The following STK39 variants were observed in gnomAD, a reference collection of about 807,000 sequenced individuals.
STK39 encodes STE20/SPS1-related proline-alanine-rich protein kinase.
In STK39, 20 loss-of-function variants were observed where a neutral mutation model predicts 77.8. The ratio of observed to expected loss-of-function variants is 0.26; its 90% CI spans 0.18 to 0.37. The LOEUF (loss-of-function observed/expected upper bound fraction) is 0.37. Among genes scored for constraint, STK39 ranks in the 10% least tolerant of loss-of-function variants. The pLI, the probability that STK39 is intolerant of heterozygous loss-of-function variation, is 1.00. For synonymous variants in STK39, 246 were observed against 234.1 expected (o/e 1.05, Z -0.47); for missense variants, 479 against 656.5 (o/e 0.73, Z 2.95).
intron 15 of STK39, among the ~76,000 whole-genome samples, chr2:168,013,316 T>C (rs1461158581): frequency 6.6e-6 from 1 of 152,202 alleles, no homozygotes; most frequent in Non-Finnish European, 1.5e-5. Flanking sequence ...GTGACAGGAG[T>C]TCGCAATCTC....
chr2:168,047,353 AG>A (rs1191708158), intron 14 of STK39, among the ~76,000 whole-genome samples: 1 of 152,230 alleles, frequency 6.6e-6, no homozygotes, highest in Non-Finnish European at 1.5e-5. Context: ...AGTGCTTTAG[AG>A]GCCTAATAAT....
chr2:168,134,006 G>A (rs1687768807), intron 8 of STK39, among the ~76,000 whole-genome samples: 1 of 152,060 alleles, frequency 6.6e-6, no homozygotes, highest in Non-Finnish European at 1.5e-5. Flanking sequence ...GCCAATGCCT[G>A]GCTAATGTGG....
intron 14 of STK39, among the ~76,000 whole-genome samples, chr2:168,026,520 A>G (rs992113117): frequency 6.6e-6 from 1 of 152,182 alleles, no homozygotes; most frequent in East Asian, 1.9e-4. Context: ...ATCACCTACT[A>G]TGTGTCAGGT....
intron 8 of STK39, among the ~76,000 whole-genome samples, chr2:168,133,031 C>T (rs1429274058): frequency 6.6e-6 from 1 of 152,078 alleles, no homozygotes; most frequent in Non-Finnish European, 1.5e-5. Flanking sequence ...GAGACTCGTG[C>T]TAGCAAAAAA....
chr2:168,188,765 G>A, intron 1 of STK39, among the ~76,000 whole-genome samples: 1 of 152,214 alleles, frequency 6.6e-6, no homozygotes, highest in East Asian at 1.9e-4. Flanking sequence ...TGCATTCTAT[G>A]TGGCAGGAAC....
At position 168,209,643 on chromosome 2, in the gene STK39, G is replaced by A. The variant is rs188570230; in HGVS notation, c.209-27553C>T. ...TGGAGTGAGCCGAGATCGCACCACT[G>A]CACTCCAGCCTGGGGCGACAAGAGC... On this transcript the variant is annotated intron_variant, in intron 1 of 17. Transcript: ENST00000355999. Among the ~76,000 whole-genome samples, 162 of 151,936 alleles carry A rather than the reference G, an allele frequency of 1.1e-3. 1 individual carries two copies. Among genetic ancestry groups the A allele is most frequent in the African/African-American group, 3.5e-3 (145 of 41,440 alleles).
intron 10 of STK39, among the ~76,000 whole-genome samples, chr2:168,120,772 C>T (rs1035093292): frequency 6.6e-6 from 1 of 152,176 alleles, no homozygotes; most frequent in African/African-American, 2.4e-5. Context: ...GCTATTATTA[C>T]CATTACCACT....
chr2:168,218,514 C>T (rs945525685), intron 1 of STK39, among the ~76,000 whole-genome samples: 10 of 152,210 alleles, frequency 6.6e-5, no homozygotes, highest in Non-Finnish European at 1.2e-4. Flanking sequence ...CCTAGCCAAA[C>T]GCTCAACCAA....
intron 8 of STK39, among the ~76,000 whole-genome samples, chr2:168,135,872 A>C (rs1268051824): frequency 3.9e-5 from 6 of 152,214 alleles, no homozygotes; most frequent in Non-Finnish European, 7.3e-5. Flanking sequence ...AAAATATCTA[A>C]AAGAAGACCT....
intron 13 of STK39, among the ~76,000 whole-genome samples, 163 bp downstream of exon 13, chr2:168,065,156 G>A (rs1685761227): frequency 6.6e-6 from 1 of 152,104 alleles, no homozygotes; most frequent in South Asian, 2.1e-4. Flanking sequence ...AAAGGTTGGA[G>A]GTCCCACAAA....
intron 5 of STK39, among the ~76,000 whole-genome samples, chr2:168,155,577 C>A (rs547980043): frequency 1.3e-5 from 2 of 151,200 alleles, no homozygotes; most frequent in African/African-American, 2.4e-5. Flanking sequence ...CCCACCCCAA[C>A]AGATTTTAAT....
chr2:167,992,515 CA>C (rs1683727812), intron 16 of STK39, among the ~76,000 whole-genome samples: 1 of 152,120 alleles, frequency 6.6e-6, no homozygotes, highest in African/African-American at 2.4e-5. Context: ...TGAAGCTCAA[CA>C]AATGTCAATT....
intron 1 of STK39, among the ~76,000 whole-genome samples, chr2:168,205,717 G>A (rs1380798641): frequency 1.3e-5 from 2 of 152,104 alleles, no homozygotes; most frequent in Non-Finnish European, 2.9e-5. Flanking sequence ...TACTCGGGAG[G>A]CTAAGGTGGG....
chr2:168,019,772 T>C (rs1228824759), intron 14 of STK39, among the ~76,000 whole-genome samples: 4 of 152,164 alleles, frequency 2.6e-5, no homozygotes, highest in Non-Finnish European at 2.9e-5. Flanking sequence ...GGCAAGATCT[T>C]GGCTCACTGC....
chr2:168,218,182 A>C (rs762455834), intron 1 of STK39, among the ~76,000 whole-genome samples: 1 of 152,228 alleles, frequency 6.6e-6, no homozygotes, highest in Non-Finnish European at 1.5e-5. Flanking sequence ...GAGAGTTCCC[A>C]GATAACCCCA....
At chr2:168,103,726 G>A (rs1007121951) in intron 10 of STK39, among the ~76,000 whole-genome samples, 6 of 152,110 alleles carry the variant, frequency 3.9e-5, no homozygotes, top group Admixed American at 3.3e-4. Context: ...TGGTACCGGA[G>A]GCTATGAATA....
chr2:168,148,718 G>A (rs1688205291), intron 5 of STK39, among the ~76,000 whole-genome samples: 1 of 152,200 alleles, frequency 6.6e-6, no homozygotes, highest in African/African-American at 2.4e-5. Context: ...AGCAACGTGT[G>A]TGATGTAACA....
chr2:168,181,081 C>T (rs10930309), intron 2 of STK39, among the ~76,000 whole-genome samples: 33,709 of 152,136 alleles, frequency 0.22, 4,727 homozygotes, highest in Non-Finnish European at 0.33. Flanking sequence ...AAGGCTTCTT[C>T]ATTTGCAGCC....
At chr2:168,119,766 C>T (rs575965250) in intron 10 of STK39, among the ~76,000 whole-genome samples, 2 of 152,302 alleles carry the variant, frequency 1.3e-5, no homozygotes, top group South Asian at 2.1e-4. Flanking sequence ...AAATCACTCT[C>T]TCTTCTCTGC....
Sources: gnomAD v4.1 joint callset for allele counts (sites outside exome capture counted in the v4.1 genomes callset) on GRCh38, gnomAD v4.1.1 for gene constraint, MANE v1.5 for transcripts, NCBI Gene and HGNC (gene_info 2026-07-23, HGNC 2026-07-21) for gene names.